Variants in AUTS2 observed in about 807,000 individuals in gnomAD.
AUTS2 encodes autism susceptibility gene 2 protein.
A neutral mutation model predicts 112.4 loss-of-function variants in AUTS2; 17 were observed. The observed-to-expected ratio is 0.15, with a 90% CI of 0.10 to 0.23. The LOEUF (loss-of-function observed/expected upper bound fraction) is 0.23, where lower values mean the gene tolerates loss of function less well. Ranked by LOEUF, AUTS2 falls within the 10% of genes least tolerant of loss-of-function variation. AUTS2 has a pLI of 1.00. For synonymous variants in AUTS2, 751 were observed against 702.7 expected (o/e 1.07, Z -1.09); for missense variants, 1,510 against 1,701.6 (o/e 0.89, Z 1.98).
intron 2 of AUTS2, among the ~76,000 whole-genome samples, chr7:69,971,641 G>T (rs1407826831): frequency 1.3e-5 from 2 of 152,056 alleles, no homozygotes; most frequent in Non-Finnish European, 2.9e-5. Context: ...ATTAACTCCT[G>T]ATATGCAATC....
At chr7:69,936,389 G>A (rs1434744462) in intron 2 of AUTS2, among the ~76,000 whole-genome samples, 1 of 151,750 alleles carries the variant, frequency 6.6e-6, no homozygotes, top group Non-Finnish European at 1.5e-5. Flanking sequence ...TCTCTCTGTC[G>A]CCCAGGCTGG....
chr7:70,786,130 T>C (rs1178296124), intron 17 of AUTS2, 92 bp downstream of exon 17: 2 of 932,432 alleles, frequency 2.1e-6, no homozygotes, highest in Non-Finnish European at 3.1e-6. Context: ...AAAAGGAAAC[T>C]ATGCTCTGGG....
intron 2 of AUTS2, among the ~76,000 whole-genome samples, chr7:70,088,771 C>T (rs562274676): frequency 2.0e-5 from 3 of 151,922 alleles, no homozygotes; most frequent in African/African-American, 4.8e-5. Flanking sequence ...TACCACCATG[C>T]CCAGCTAATT....
At chr7:70,188,636 A>G (rs1809724873) in intron 4 of AUTS2, among the ~76,000 whole-genome samples, 1 of 152,190 alleles carries the variant, frequency 6.6e-6, no homozygotes, top group Admixed American at 6.5e-5. Flanking sequence ...AGAATCCTGC[A>G]TCCTTTCTAG....
At position 70,785,879 on chromosome 7, in the gene AUTS2, C is replaced by T. The variant is rs571612853; in HGVS notation, c.2225-76C>T. On this transcript the variant is annotated intron_variant, in intron 16 of 18. Transcript: ENST00000342771. Reference sequence around the variant, plus strand: ...AGAGAGGGCAGGGATCCCGCATCGCCCTGCTCCCAGGAAGCTCTGGGTTCC... The same window carrying T: ...AGAGAGGGCAGGGATCCCGCATCGCTCTGCTCCCAGGAAGCTCTGGGTTCC... 1.5e-4 allele frequency: 210 copies of T among 1,421,696 alleles called. No individual in the cohort carries two copies. The African/African-American group carries it at 2.7e-3, about 18-fold the overall frequency. The allele number at this position is 1,421,696 out of a possible 1,614,324, so 88.1% of individuals were successfully genotyped here.
chr7:70,483,081 G>A (rs1023785864), intron 5 of AUTS2, among the ~76,000 whole-genome samples: 1 of 152,124 alleles, frequency 6.6e-6, no homozygotes, highest in African/African-American at 2.4e-5. Flanking sequence ...AAGGGTTGGA[G>A]ATCAAGCTTT....
At chr7:69,882,883 A>G (rs761078043) in intron 1 of AUTS2, among the ~76,000 whole-genome samples, 54 of 152,208 alleles carry the variant, frequency 3.5e-4, no homozygotes, top group Non-Finnish European at 1.0e-4. Context: ...ACCTTTTAGA[A>G]TGACAGTTTC....
intron 6 of AUTS2, among the ~76,000 whole-genome samples, chr7:70,726,068 G>C (rs1464879866): frequency 2.6e-5 from 4 of 151,586 alleles, no homozygotes; most frequent in African/African-American, 9.7e-5. Context: ...TAGAGGGCTA[G>C]AGCCAGTTTG....
rs1001481246 is a variant in AUTS2, at chr7:69,645,477, TAGAG to T, written c.309+45520_309+45523del. On this transcript the variant is annotated intron_variant, in intron 1 of 18. Transcript: ENST00000342771. ...CATTGTGCAATGATGTATAGTCAGGTAGAGAGAGGAAACAGGAATCATAAATCTT... is the reference window on the plus strand; with the variant it reads ...CATTGTGCAATGATGTATAGTCAGGTAGAGGAAACAGGAATCATAAATCTT... 1.3e-4 allele frequency among the ~76,000 whole-genome samples: 20 copies of T among 152,156 alleles called. 1 individual carries two copies. The highest frequency in any genetic ancestry group is 4.8e-4 in the African/African-American group (20 of 41,436).
intron 5 of AUTS2, among the ~76,000 whole-genome samples, chr7:70,556,745 G>A (rs945140703): frequency 1.3e-5 from 2 of 152,158 alleles, no homozygotes; most frequent in African/African-American, 2.4e-5. Flanking sequence ...CCAGTTTTCT[G>A]TCTCTAGCCT....
At chr7:69,653,697 T>C (rs1417521437) in intron 1 of AUTS2, among the ~76,000 whole-genome samples, 9 of 152,130 alleles carry the variant, frequency 5.9e-5, no homozygotes, top group Admixed American at 4.6e-4. Context: ...TTTGCTTTTA[T>C]TGATTCACGA....
At chr7:70,273,757 A>G (rs904039475) in intron 4 of AUTS2, among the ~76,000 whole-genome samples, 2 of 152,000 alleles carry the variant, frequency 1.3e-5, no homozygotes, top group Non-Finnish European at 2.9e-5. Context: ...GGCCCTCTGT[A>G]TGTGTGGGTT....
At chr7:69,876,546 T>A (rs1392434309) in intron 1 of AUTS2, among the ~76,000 whole-genome samples, 4 of 90,258 alleles carry the variant, frequency 4.4e-5, no homozygotes, top group Admixed American at 1.3e-4. Context: ...ATATATATAT[T>A]TTCAGTGTTC....
At chr7:70,345,175 G>T (rs1338610381) in intron 4 of AUTS2, among the ~76,000 whole-genome samples, 3 of 152,168 alleles carry the variant, frequency 2.0e-5, no homozygotes, top group East Asian at 1.9e-4. Context: ...GACTTAGCCG[G>T]CATTTATTGG....
At chr7:70,580,551 C>T (rs1802386711) in intron 5 of AUTS2, among the ~76,000 whole-genome samples, 1 of 152,204 alleles carries the variant, frequency 6.6e-6, no homozygotes, top group Non-Finnish European at 1.5e-5. Flanking sequence ...ACAAGCCCCA[C>T]CTCTGGAGGT....
intron 4 of AUTS2, among the ~76,000 whole-genome samples, chr7:70,249,366 C>T (rs190962241): frequency 4.6e-5 from 7 of 152,186 alleles, no homozygotes; most frequent in African/African-American, 1.7e-4. Flanking sequence ...CCTCAAAAGC[C>T]ACATGTGGCC....
At chr7:69,665,086 G>A (rs1251317543) in intron 1 of AUTS2, among the ~76,000 whole-genome samples, 2 of 152,166 alleles carry the variant, frequency 1.3e-5, no homozygotes, top group African/African-American at 4.8e-5. Flanking sequence ...AAATTTCACT[G>A]TGTATAGCTG....
chr7:70,698,981 T>C (rs1226944565), intron 6 of AUTS2: 2 of 173,382 alleles, frequency 1.2e-5, no homozygotes, highest in Admixed American at 6.3e-5. Context: ...TGATGTGCAT[T>C]GCAGACTCCA....
intron 2 of AUTS2, among the ~76,000 whole-genome samples, chr7:70,043,061 C>T (rs1801316464): frequency 6.7e-6 from 1 of 149,896 alleles, no homozygotes; most frequent in African/African-American, 2.4e-5. Flanking sequence ...TGTTTCATGA[C>T]AGTCTGTTGA....
Sources: allele counts gnomAD v4.1 joint callset (sites outside exome capture counted in the v4.1 genomes callset), GRCh38; gene constraint gnomAD v4.1.1; transcripts MANE v1.5; gene names NCBI Gene and HGNC (gene_info 2026-07-23, HGNC 2026-07-21).